Variants in PCDHA9 observed in about 807,000 individuals in gnomAD.
The protein encoded by PCDHA9 is protocadherin alpha 9, also known as protocadherin alpha-9.
Under a neutral mutation model 62.0 loss-of-function variants are expected in PCDHA9, and 62 were observed. The observed-to-expected ratio is 1.00, with a 90% confidence interval of 0.81 to 1.23. The LOEUF is 1.23. Ranked by LOEUF, PCDHA9 falls within the 50% of genes most tolerant of loss-of-function variation. PCDHA9 has a pLI of 0.00. For missense variants in PCDHA9, 1,205 were observed against 1,249.8 expected (o/e 0.96, Z 0.54); for synonymous variants, 557 against 567.6 (o/e 0.98, Z 0.27).
intron 1 of PCDHA9, chr5:140,869,342 A>G (rs782505088): frequency 1.2e-6 from 2 of 1,614,050 alleles, no homozygotes; most frequent in Admixed American, 3.3e-5. Flanking sequence ...GTAAATCTGC[A>G]GAATGGCATT....
chr5:140,876,206 C>A, intron 1 of PCDHA9: 1 of 1,613,864 alleles, frequency 6.2e-7, no homozygotes, highest in Non-Finnish European at 8.5e-7. Flanking sequence ...TTTGATAAGC[C>A]CAGCTATAAA....
At chr5:140,967,155 C>A (rs1554229255) in intron 1 of PCDHA9, 1 of 1,610,598 alleles carries the variant, frequency 6.2e-7, no homozygotes, top group Admixed American at 1.7e-5. Context: ...AACCCCGTGG[C>A]GGTGAGCGCC....
chr5:140,879,744 A>T (rs1356373675), intron 1 of PCDHA9, among the ~76,000 whole-genome samples: 1 of 152,212 alleles, frequency 6.6e-6, no homozygotes, highest in Admixed American at 6.5e-5. Flanking sequence ...AGGTGTTGTC[A>T]AGGCTATACT....
intron 2 of PCDHA9, among the ~76,000 whole-genome samples, chr5:140,980,947 G>T (rs1430215851): frequency 6.6e-6 from 1 of 152,032 alleles, no homozygotes; most frequent in Non-Finnish European, 1.5e-5. Context: ...GCTGGCTCCA[G>T]GATAGTTACA....
At position 140,857,834 on chromosome 5, in the gene PCDHA9, G is replaced by A; in HGVS notation, c.2394+6945G>A. 1.9e-6 allele frequency: 3 copies of A among 1,597,844 alleles called. 1 individual carries two copies. The highest frequency in any genetic ancestry group is 1.7e-6 in the Non-Finnish European group (2 of 1,167,630). The stretch of plus-strand genomic sequence containing the variant: ...TCACGTGGTGGCTAAGGTGCGCGCA[G>A]TGGACGCTGACTCTGGATACAACGC... On this transcript the variant is annotated intron_variant, in intron 1 of 3. Transcript: ENST00000532602.
chr5:140,999,132 T>C (rs1430473415), intron 3 of PCDHA9, among the ~76,000 whole-genome samples: 2 of 152,160 alleles, frequency 1.3e-5, no homozygotes, highest in Non-Finnish European at 2.9e-5. Flanking sequence ...CTGGAAAATG[T>C]CACAGCCGGA....
intron 1 of PCDHA9, among the ~76,000 whole-genome samples, chr5:140,917,270 T>C (rs782142831): frequency 2.6e-5 from 4 of 151,228 alleles, no homozygotes; most frequent in Admixed American, 6.6e-5. Context: ...GTTTGGTTTT[T>C]GTAATGACGC....
At chr5:140,890,923 C>T (rs535912661) in intron 1 of PCDHA9, among the ~76,000 whole-genome samples, 1 of 152,202 alleles carries the variant, frequency 6.6e-6, no homozygotes, top group East Asian at 1.9e-4. Context: ...TTGAGAGTTT[C>T]CTTTAGTCCA....
chr5:140,882,050 T>A, intron 1 of PCDHA9: 1 of 756,750 alleles, frequency 1.3e-6, no homozygotes, highest in African/African-American at 1.8e-5. Flanking sequence ...GAGTCATACT[T>A]ACACTTACAC....
At chr5:140,887,461 T>C (rs2061460929) in intron 1 of PCDHA9, among the ~76,000 whole-genome samples, 1 of 152,226 alleles carries the variant, frequency 6.6e-6, no homozygotes, top group African/African-American at 2.4e-5. Flanking sequence ...TTTTAAAAGA[T>C]ATAATTCAGT....
chr5:140,848,583 C>T lies in PCDHA9; in HGVS notation c.88C>T (p.Gln30Ter), dbSNP rs2040479456. The change falls in exon 1 of 4, where the codon CAG (glutamine) becomes TAG (stop). Residue 30 changes from glutamine (Q) to a stop codon, truncating the protein, a stop_gained. Coordinates refer to ENST00000532602, the MANE Select transcript of PCDHA9 (RefSeq NM_031857.2). LOFTEE classifies it high-confidence loss of function. ...CGCAATGTGGGTGGTGGGGAGCGGC[C>T]AGCTCCACTACTCCGTCCCGGAGGA... ...ILAMWVVGSG[Q>*]LHYSVPEEAE... 1 of 1,595,014 alleles carries T rather than the reference C, an allele frequency of 6.3e-7. No individual in the cohort carries two copies. Among genetic ancestry groups the T allele is most frequent in the Non-Finnish European group, 8.6e-7 (1 of 1,165,190 alleles).
Position 141,010,126 on chromosome 5 carries a change from C to G in PCDHA9, c.*189C>G, listed in dbSNP as rs2098416139. ...TTTTGTCGTAAAAGCTTTACTAAGT[C>G]TGGTGTTAACTCTTTCTCTCCACTC... On this transcript the variant is annotated 3_prime_UTR_variant, in exon 4 of 4. Coordinates refer to ENST00000532602, the MANE Select transcript of PCDHA9 (RefSeq NM_031857.2). 1 of 1,602,246 alleles carries G rather than the reference C, an allele frequency of 6.2e-7. No homozygotes were observed. The highest frequency in any genetic ancestry group is 8.5e-7 in the Non-Finnish European group (1 of 1,173,654).
At chr5:140,896,099 C>T (rs1395621401) in intron 1 of PCDHA9, among the ~76,000 whole-genome samples, 1 of 152,236 alleles carries the variant, frequency 6.6e-6, no homozygotes, top group Non-Finnish European at 1.5e-5. Context: ...GCGTGAGCCA[C>T]TGTGCCTGGC....
At chr5:141,009,095 A>G (rs1304233331) in intron 3 of PCDHA9, among the ~76,000 whole-genome samples, 3 of 152,214 alleles carry the variant, frequency 2.0e-5, no homozygotes, top group Admixed American at 6.5e-5. Context: ...AGAACCAAAC[A>G]TATGTTACTA....
At chr5:140,851,915 T>G (rs1554145604) in intron 1 of PCDHA9, 1 of 967,000 alleles carries the variant, frequency 1.0e-6, no homozygotes, top group Non-Finnish European at 1.2e-6. Context: ...TGTCACTACA[T>G]GTTATGTTTC....
chr5:140,944,133 G>C (rs1051812384), intron 1 of PCDHA9, among the ~76,000 whole-genome samples: 2 of 152,134 alleles, frequency 1.3e-5, no homozygotes, highest in Non-Finnish European at 2.9e-5. Context: ...AGAAAAGGTT[G>C]AAGATTAGAA....
chr5:140,967,021 C>G, intron 1 of PCDHA9: 2 of 1,607,830 alleles, frequency 1.2e-6, no homozygotes, highest in Non-Finnish European at 1.7e-6. Context: ...TGGGTGCGCC[C>G]AGTCCGCGCT....
At chr5:140,928,666 T>C in intron 1 of PCDHA9, 8 of 1,614,212 alleles carry the variant, frequency 5.0e-6, no homozygotes, top group Non-Finnish European at 6.8e-6. Context: ...TGACAGTGGT[T>C]CTAATGCCTG....
At chr5:140,995,510 G>A (rs1554254709) in intron 3 of PCDHA9, among the ~76,000 whole-genome samples, 1 of 152,142 alleles carries the variant, frequency 6.6e-6, no homozygotes, top group African/African-American at 2.4e-5. Flanking sequence ...GTGGGTAACT[G>A]AAGCCTCAGA....
Sources: gnomAD v4.1 joint callset for allele counts (sites outside exome capture counted in the v4.1 genomes callset) on GRCh38, gnomAD v4.1.1 for gene constraint, MANE v1.5 for transcripts, NCBI Gene and HGNC (gene_info 2026-07-23, HGNC 2026-07-21) for gene names.